RERE: variants seen among roughly 807,000 people sequenced by gnomAD.
RERE encodes the protein arginine-glutamic acid dipeptide repeats.
Under a neutral mutation model 146.1 loss-of-function variants are expected in RERE, and 40 were observed. The ratio of observed to expected loss-of-function variants is 0.27; its 90% confidence interval spans 0.21 to 0.36. The LOEUF (loss-of-function observed/expected upper bound fraction) is 0.36, where lower values mean the gene tolerates loss of function less well. Among genes scored for constraint, RERE ranks in the 10% least tolerant of loss-of-function variants. RERE has a pLI of 1.00. For synonymous variants in RERE, 1,003 were observed against 866.0 expected, an observed-to-expected ratio of 1.16 and a Z score of -2.78; for missense variants, 1,933 against 2,138.7, an observed-to-expected ratio of 0.90 and a Z score of 1.90.
At chr1:8,443,654 C>T (rs1644281786) in intron 11 of RERE, among the ~76,000 whole-genome samples, 2 of 152,082 alleles carry the variant, frequency 1.3e-5, no homozygotes, top group Non-Finnish European at 2.9e-5. Context: ...GGATGAGAAA[C>T]CTAAGAGGAA....
At chr1:8,463,168 GCTTC>G (rs1644547692) in intron 11 of RERE, among the ~76,000 whole-genome samples, 1 of 152,150 alleles carries the variant, frequency 6.6e-6, no homozygotes, top group African/African-American at 2.4e-5. Context: ...TTCACCAGAA[GCTTC>G]CTTCAACCTC....
intron 4 of RERE, among the ~76,000 whole-genome samples, chr1:8,566,291 T>G (rs1646151736): frequency 6.6e-6 from 1 of 152,104 alleles, no homozygotes; most frequent in East Asian, 1.9e-4. Flanking sequence ...CTAAAATACC[T>G]TAAAACAAGG....
chr1:8,478,141 A>G (rs1644778736), intron 10 of RERE, among the ~76,000 whole-genome samples: 1 of 152,220 alleles, frequency 6.6e-6, no homozygotes, highest in African/African-American at 2.4e-5. Context: ...GAAAGACTGT[A>G]TGATTTCAAA....
chr1:8,360,044 C>G (rs1375069359), intron 18 of RERE, 58 bp from the exon 19 acceptor site: 2 of 1,594,020 alleles, frequency 1.3e-6, no homozygotes, highest in Non-Finnish European at 1.7e-6. Context: ...CCGGCCCTCC[C>G]TCCCACCAGA....
intron 1 of RERE, among the ~76,000 whole-genome samples, chr1:8,810,159 C>T (rs913438277): frequency 3.3e-5 from 5 of 152,160 alleles, no homozygotes; most frequent in Non-Finnish European, 7.4e-5. Context: ...TACCCGCCAT[C>T]GTGCCCAGCA....
At chr1:8,653,473 C>T (rs1343555404) in intron 2 of RERE, among the ~76,000 whole-genome samples, 3 of 151,972 alleles carry the variant, frequency 2.0e-5, no homozygotes, top group South Asian at 2.1e-4. Flanking sequence ...TTTGGGAGGC[C>T]GAGGCGGGTA....
rs201301030 is a variant in RERE at position 8,356,203 on chromosome 1, G to A, written c.4383C>T (p.Ala1461=). ...PVHPLVDPLT[A]GPHLARFPYP... is the part of the protein sequence containing the mutation. ...AGGGGAAGCGAGCCAGGTGGGGACC[G>A]GCAGTCAGGGGGTCGACCAGCGGGT... Residue 1461 remains alanine (A), a synonymous_variant, in exon 21 of 23, where the codon GCC becomes GCT. Transcript: ENST00000400908. The surrounding 1 kb of genome is among the most constrained non-coding windows in gnomAD (Gnocchi z 5.2). The A allele has an allele frequency of 1.5e-4, 234 of 1,522,928 alleles. No homozygotes were observed. The highest frequency in any genetic ancestry group is 1.8e-4 in the Non-Finnish European group (205 of 1,146,516). 94.3% of individuals were successfully genotyped at this position (1,522,928 alleles called of 1,614,324 possible).
intron 4 of RERE, among the ~76,000 whole-genome samples, chr1:8,604,080 G>A (rs983408873): frequency 1.3e-5 from 2 of 152,184 alleles, no homozygotes; most frequent in Non-Finnish European, 2.9e-5. Flanking sequence ...CTCCTGAGAA[G>A]TGCTTCAAAG....
intron 12 of RERE, among the ~76,000 whole-genome samples, chr1:8,417,518 C>T (rs1643809706): frequency 6.6e-6 from 1 of 152,194 alleles, no homozygotes; most frequent in Admixed American, 6.5e-5. Flanking sequence ...TGGTGCCAAA[C>T]AGTGACACAT....
At chr1:8,499,843 G>C (rs1363261969) in intron 8 of RERE, among the ~76,000 whole-genome samples, 1 of 152,246 alleles carries the variant, frequency 6.6e-6, no homozygotes, top group Non-Finnish European at 1.5e-5. Context: ...CAATGGGCCT[G>C]GCGTGGTGGC....
chr1:8,813,150 C>T (rs898938177), intron 1 of RERE, among the ~76,000 whole-genome samples: 7 of 152,120 alleles, frequency 4.6e-5, no homozygotes, highest in African/African-American at 1.4e-4. Context: ...AAAAGAAATC[C>T]CGTAATTAAC....
intron 11 of RERE, among the ~76,000 whole-genome samples, chr1:8,433,764 G>A (rs1260071495): frequency 2.0e-5 from 3 of 151,546 alleles, no homozygotes; most frequent in African/African-American, 7.3e-5. Flanking sequence ...GTTTCACCTT[G>A]TTAGCCAGGA....
At position 8,583,555 on chromosome 1, in the gene RERE, G is replaced by A. The variant is rs534434585; in HGVS notation, c.523-26032C>T. Among the ~76,000 whole-genome samples the A allele has an allele frequency of 3.3e-5, 5 of 152,300 alleles. No individual in the cohort carries two copies. In the East Asian group the frequency reaches 9.6e-4, roughly 29 times the overall value. On this transcript the variant is annotated intron_variant, in intron 4 of 22. Transcript: ENST00000400908. ...CCAGAGACCTTGCAGGGCTAAAGGG[G>A]CTGAAGTCATCTAGACACTTTTGAA...
At position 8,577,817 on chromosome 1, in the gene RERE, G is replaced by C. The variant is rs555278234; in HGVS notation, c.523-20294C>G. On this transcript the variant is annotated intron_variant, in intron 4 of 22. Coordinates refer to ENST00000400908, the MANE Select transcript of RERE (RefSeq NM_001042681.2). ...GCACTTTAAAAGGGAAAGAGGAGCC[G>C]GGTGCAGTGGCTCATGCCTTTAATC... 8.5e-5 allele frequency among the ~76,000 whole-genome samples: 13 copies of C among 152,298 alleles called. No individual in the cohort carries two copies. The East Asian group carries it at 2.3e-3, about 27-fold the overall frequency.
chr1:8,793,157 C>CAAAAAAAAAAAA (rs1015889392), intron 1 of RERE, among the ~76,000 whole-genome samples: 4 of 49,278 alleles, frequency 8.1e-5, no homozygotes, highest in Admixed American at 4.3e-4. Flanking sequence ...ACTCCATCTC[C>CAAAAAAAAAAAA]AAAAAAAAAA....
At chr1:8,807,382 A>G (rs941711627) in intron 1 of RERE, among the ~76,000 whole-genome samples, 1 of 152,128 alleles carries the variant, frequency 6.6e-6, no homozygotes, top group South Asian at 2.1e-4. Flanking sequence ...AATACTTTGC[A>G]GTTCCGCCGC....
chr1:8,769,914 G>C (rs1640912753), intron 1 of RERE, among the ~76,000 whole-genome samples: 1 of 151,898 alleles, frequency 6.6e-6, no homozygotes, highest in Non-Finnish European at 1.5e-5. Flanking sequence ...TCAGCCTCCC[G>C]AGTAGCTGGG....
intron 1 of RERE, among the ~76,000 whole-genome samples, chr1:8,730,160 T>C (rs1557508142): frequency 6.6e-6 from 1 of 152,174 alleles, no homozygotes; most frequent in Admixed American, 6.5e-5. Context: ...AAAACAAATA[T>C]ACTTGTCAAA....
rs992906278 is a variant in RERE, at chr1:8,395,067, A to C, written c.1284+27660T>G. ...CATTCCATGAGGGAAGTTTGTTACT[A>C]AACTTTCAGATAAGGTGTCTAGTAT... On this transcript the variant is annotated intron_variant, in intron 12 of 22. Transcript: ENST00000400908. 1.2e-4 allele frequency among the ~76,000 whole-genome samples: 19 copies of C among 152,360 alleles called. 1 individual carries two copies. The South Asian group carries it at 3.9e-3, about 32-fold the overall frequency.
Sources: gnomAD v4.1 joint callset for allele counts (sites outside exome capture counted in the v4.1 genomes callset) on GRCh38, gnomAD v4.1.1 for gene constraint, Gnocchi (gnomAD v3.1) non-coding constraint, MANE v1.5 for transcripts, NCBI Gene and HGNC (gene_info 2026-07-23, HGNC 2026-07-21) for gene names.